Variants in FAM13C observed in about 807,000 individuals in gnomAD.
The protein encoded by FAM13C is family with sequence similarity 13 member C, also known as protein FAM13C.
In FAM13C, 37 loss-of-function variants were observed where a neutral mutation model predicts 73.2. The ratio of observed to expected loss-of-function variants is 0.51; its 90% confidence interval spans 0.39 to 0.67. FAM13C has a LOEUF of 0.67. Among genes scored for constraint, FAM13C ranks in the 30% least tolerant of loss-of-function variants. The pLI is 0.00. For synonymous variants in FAM13C, 246 were observed against 260.9 expected, an observed-to-expected ratio of 0.94 and a Z score of 0.55; for missense variants, 589 against 715.6, an observed-to-expected ratio of 0.82 and a Z score of 2.02.
intron 4 of FAM13C, among the ~76,000 whole-genome samples, chr10:59,315,063 A>C (rs986794795): frequency 1.3e-5 from 2 of 152,200 alleles, no homozygotes; most frequent in Admixed American, 1.3e-4. Flanking sequence ...TCCCAAAGTA[A>C]GATTCAATTG....
chr10:59,257,516 T>C (rs1842058560), intron 10 of FAM13C, among the ~76,000 whole-genome samples: 1 of 152,206 alleles, frequency 6.6e-6, no homozygotes. Context: ...ATGAGATGTC[T>C]CTTAAGGAGA....
rs1441283592 is a variant in FAM13C, at chr10:59,337,705, G to A, written c.325-13599C>T. 6.1e-5 allele frequency among the ~76,000 whole-genome samples: 3 copies of A among 49,128 alleles called. No individual in the cohort carries two copies. In the East Asian group the frequency reaches 2.5e-3, roughly 40 times the overall value. The allele number at this position is 49,128 out of a possible 152,430, so 32.2% of individuals were successfully genotyped here. On this transcript the variant is annotated intron_variant, in intron 3 of 13. Coordinates refer to ENST00000618804, the MANE Select transcript of FAM13C (RefSeq NM_198215.4). ...TTTTTTTTTTTTTTTTTGAGATAGAGTTTCATTCTTGTCACCCAGGCTAGA... is the reference window on the plus strand; with the variant it reads ...TTTTTTTTTTTTTTTTTGAGATAGAATTTCATTCTTGTCACCCAGGCTAGA...
Position 59,303,633 on chromosome 10 carries a change from A to C in FAM13C, c.444-769T>G, listed in dbSNP as rs1415866927. ...GGTTTGGATGTGGTTTGTTCCCACC[A>C]AAACTCATGTTGAAATTTGATCCCC... On this transcript the variant is annotated intron_variant, in intron 4 of 13. Transcript: ENST00000618804. Among the ~76,000 whole-genome samples the C allele has an allele frequency of 2.0e-5, 3 of 152,194 alleles. No homozygotes were observed. The East Asian group carries it at 5.8e-4, about 29-fold the overall frequency.
chr10:59,286,071 C>T (rs1414964808), intron 5 of FAM13C, among the ~76,000 whole-genome samples: 6 of 152,218 alleles, frequency 3.9e-5, no homozygotes, highest in Non-Finnish European at 7.3e-5. Context: ...TACAATGGAA[C>T]ATTGTTCAGC....
At chr10:59,291,850 G>C (rs2133780307) in intron 5 of FAM13C, among the ~76,000 whole-genome samples, 1 of 143,862 alleles carries the variant, frequency 7.0e-6, no homozygotes, top group East Asian at 2.1e-4. Flanking sequence ...GTGCAGTGGT[G>C]TGATCTCGGC....
At chr10:59,250,488 A>C (rs2133357691) in intron 13 of FAM13C, among the ~76,000 whole-genome samples, 1 of 152,306 alleles carries the variant, frequency 6.6e-6, no homozygotes, top group Admixed American at 6.5e-5. Context: ...TGAATGCAAA[A>C]AGCTTTTCAC....
intron 3 of FAM13C, among the ~76,000 whole-genome samples, chr10:59,328,492 C>T (rs1034775041): frequency 6.8e-6 from 1 of 147,238 alleles, no homozygotes; most frequent in African/African-American, 2.7e-5. Flanking sequence ...TCAAGAAAAA[C>T]AAAACAAAAC....
intron 4 of FAM13C, among the ~76,000 whole-genome samples, chr10:59,314,082 G>C (rs1437696086): frequency 6.6e-6 from 1 of 152,090 alleles, no homozygotes; most frequent in Admixed American, 6.5e-5. Flanking sequence ...ATCAACATGG[G>C]CTATTGAGAA....
chr10:59,287,228 T>C (rs1845687000), intron 5 of FAM13C, among the ~76,000 whole-genome samples: 1 of 148,424 alleles, frequency 6.7e-6, no homozygotes, highest in African/African-American at 2.5e-5. Flanking sequence ...TCCCAGCTAC[T>C]CGGGAGTCTG....
At chr10:59,278,827 T>G (rs1017910039) in intron 6 of FAM13C, among the ~76,000 whole-genome samples, 5 of 141,090 alleles carry the variant, frequency 3.5e-5, no homozygotes, top group African/African-American at 1.5e-4. Context: ...CGATGTCACA[T>G]ACACATACAC....
rs562634403 is a variant in FAM13C at position 59,263,876 on chromosome 10, C to T, written c.1024+209G>A. 102 of 551,176 alleles carry T rather than the reference C, an allele frequency of 1.9e-4. No individual in the cohort carries two copies. In the African/African-American group the frequency reaches 1.9e-3, roughly 10 times the overall value. 34.1% of individuals were successfully genotyped at this position (551,176 alleles called of 1,614,324 possible). On this transcript the variant is annotated intron_variant, in intron 9 of 13. Coordinates refer to ENST00000618804, the MANE Select transcript of FAM13C (RefSeq NM_198215.4). ...TCATTCCACTTGGGAGTCTGGAGGT[C>T]CTCAGTTTCTTTGTAAGGAGGTTTA...
intron 3 of FAM13C, among the ~76,000 whole-genome samples, chr10:59,348,925 T>C (rs1199225105): frequency 6.6e-6 from 1 of 152,226 alleles, no homozygotes; most frequent in Non-Finnish European, 1.5e-5. Context: ...TGAGCCACAA[T>C]GCCCAGCTGA....
chr10:59,362,165 G>C (rs1480749036), intron 1 of FAM13C, among the ~76,000 whole-genome samples: 1 of 152,128 alleles, frequency 6.6e-6, no homozygotes, highest in African/African-American at 2.4e-5. Flanking sequence ...CTGAGCTCCT[G>C]CAAGCAATCA....
chr10:59,280,732 G>T (rs572530731), intron 6 of FAM13C, among the ~76,000 whole-genome samples: 3 of 152,256 alleles, frequency 2.0e-5, no homozygotes, highest in South Asian at 4.2e-4. Flanking sequence ...CATGAAATGC[G>T]TTCTTGCTGC....
chr10:59,357,861 A>G (rs960335759), intron 1 of FAM13C, among the ~76,000 whole-genome samples: 3 of 152,262 alleles, frequency 2.0e-5, no homozygotes, highest in African/African-American at 7.2e-5. Flanking sequence ...TAAAGCAAAT[A>G]AATGCCTGCA....
intron 3 of FAM13C, among the ~76,000 whole-genome samples, chr10:59,334,648 T>G (rs909527135): frequency 2.0e-5 from 3 of 150,864 alleles, no homozygotes; most frequent in African/African-American, 7.3e-5. Flanking sequence ...CTCAGCAAAC[T>G]ATCGCAAGGA....
At chr10:59,266,571 A>G (rs1301687584) in intron 8 of FAM13C, among the ~76,000 whole-genome samples, 1 of 152,202 alleles carries the variant, frequency 6.6e-6, no homozygotes, top group Non-Finnish European at 1.5e-5. Context: ...GGTTCTGATA[A>G]TAACAAAGAC....
intron 1 of FAM13C, among the ~76,000 whole-genome samples, chr10:59,359,352 T>C (rs1158523625): frequency 6.6e-6 from 1 of 152,244 alleles, no homozygotes; most frequent in Non-Finnish European, 1.5e-5. Flanking sequence ...GCATGCCATT[T>C]CTTAGAATAA....
chr10:59,315,214 AT>A (rs947629553), intron 4 of FAM13C, among the ~76,000 whole-genome samples: 10 of 152,260 alleles, frequency 6.6e-5, no homozygotes, highest in African/African-American at 2.2e-4. Flanking sequence ...CACAAAAAAT[AT>A]TTTTTTAATC....
Sources: allele counts gnomAD v4.1 joint callset (sites outside exome capture counted in the v4.1 genomes callset), GRCh38; gene constraint gnomAD v4.1.1; transcripts MANE v1.5; gene names NCBI Gene and HGNC (gene_info 2026-07-23, HGNC 2026-07-21).